The following HEATR5A variants were observed in gnomAD, a reference collection of about 807,000 sequenced individuals.
The protein encoded by HEATR5A is HEAT repeat containing 5A, also known as HEAT repeat-containing protein 5A.
In HEATR5A, 178 loss-of-function variants were observed where a neutral mutation model predicts 218.8. The ratio of observed to expected loss-of-function variants is 0.81; its 90% CI spans 0.72 to 0.92. The LOEUF is 0.92. HEATR5A is among the 40% of genes least tolerant of loss of function. The pLI, the probability that HEATR5A is intolerant of heterozygous loss-of-function variation, is 0.00. For synonymous variants in HEATR5A, 864 were observed against 871.6 expected (o/e 0.99, Z 0.15); for missense variants, 2,420 against 2,418.9 (o/e 1.00, Z -0.01).
intron 1 of HEATR5A, among the ~76,000 whole-genome samples, chr14:31,415,707 A>C (rs2031420446): frequency 6.6e-6 from 1 of 152,320 alleles, no homozygotes; most frequent in Admixed American, 6.5e-5. Context: ...TTTTATTTAC[A>C]TAAAAAAGGT....
chr14:31,335,307 G>C (rs145503575), intron 22 of HEATR5A, among the ~76,000 whole-genome samples: 20 of 152,048 alleles, frequency 1.3e-4, no homozygotes, highest in Non-Finnish European at 2.4e-4. Flanking sequence ...TGCCTATATA[G>C]CAGCCCAGCC....
chr14:31,323,620 G>T lies in HEATR5A; in HGVS notation c.3732C>A (p.Asn1244Lys). ...CRIINQCENA[N>K]SAHFDIALAQ... ...CTAAAGCAATGTCAAAATGTGCACT[G>T]TTAGCATTCTCACATTGGTTAATTA... Residue 1244 changes from asparagine (N) to lysine (K), a missense_variant, in exon 24 of 36, where the codon AAC (asparagine) becomes AAA (lysine). Transcript: ENST00000543095. 1 of 1,611,746 alleles carries T rather than the reference G, an allele frequency of 6.2e-7. No individual in the cohort carries two copies. The highest frequency in any genetic ancestry group is 8.5e-7 in the Non-Finnish European group (1 of 1,178,242).
chr14:31,387,808 C>A (rs1261369032), intron 7 of HEATR5A, among the ~76,000 whole-genome samples: 4 of 152,332 alleles, frequency 2.6e-5, no homozygotes, highest in African/African-American at 9.6e-5. Context: ...GATCCACCAG[C>A]CTCGGCCTCC....
chr14:31,419,001 T>C (rs2031550925), intron 1 of HEATR5A, among the ~76,000 whole-genome samples: 1 of 152,122 alleles, frequency 6.6e-6, no homozygotes, highest in South Asian at 2.1e-4. Context: ...AATTTAAGAA[T>C]TAAAAAGGTA....
intron 5 of HEATR5A, among the ~76,000 whole-genome samples, chr14:31,394,494 T>C (rs2030572073): frequency 6.6e-6 from 1 of 152,082 alleles, no homozygotes; most frequent in East Asian, 1.9e-4. Flanking sequence ...CTATTGGCTA[T>C]GAACAACTGG....
intron 1 of HEATR5A, among the ~76,000 whole-genome samples, chr14:31,415,246 GGCACT>G (rs2031406927): frequency 6.6e-6 from 1 of 152,148 alleles, no homozygotes; most frequent in South Asian, 2.1e-4. Flanking sequence ...TTCCTTGGCA[GGCACT>G]GCTTCTCACT....
intron 19 of HEATR5A, among the ~76,000 whole-genome samples, chr14:31,345,905 T>C (rs934684079): frequency 7.3e-5 from 10 of 136,824 alleles, no homozygotes; most frequent in African/African-American, 2.6e-4. Context: ...CGCACACACA[T>C]GCACACACGC....
chr14:31,387,171 C>T lies in HEATR5A; in HGVS notation c.1138G>A (p.Ala380Thr), dbSNP rs368819127. 2 of 1,613,962 alleles carry T rather than the reference C, an allele frequency of 1.2e-6. No homozygotes were observed. The highest frequency in any genetic ancestry group is 1.7e-6 in the Non-Finnish European group (2 of 1,179,874). ...GGLLGEKAQL[A>T]AVKDICQAIW... ...GCCTGGCAAATATCCTTTACAGCAGCAAGCTGAGCCTTTTCTCCAAGAAGA... is the reference window on the plus strand; with the variant it reads ...GCCTGGCAAATATCCTTTACAGCAGTAAGCTGAGCCTTTTCTCCAAGAAGA... Residue 380 changes from alanine to threonine, a missense_variant, in exon 8 of 36, where the codon GCT (alanine) becomes ACT (threonine). Coordinates refer to ENST00000543095, the MANE Select transcript of HEATR5A (RefSeq NM_015473.4).
chr14:31,308,816 C>G, intron 29 of HEATR5A, 118 bp downstream of exon 29: 2 of 729,686 alleles, frequency 2.7e-6, no homozygotes, highest in Non-Finnish European at 4.3e-6. Context: ...TAATTGTGAG[C>G]TTGAGTTGAA....
rs529963101 is a variant in HEATR5A, at chr14:31,337,628, T to G, written c.3229-14A>C. On this transcript the variant is annotated splice_polypyrimidine_tract_variant and intron_variant, in intron 21 of 35. Coordinates refer to ENST00000543095, the MANE Select transcript of HEATR5A (RefSeq NM_015473.4). ...ACAAAGATTCACCTGAAAAATACCA[T>G]TTGAGGAACGACAGAGCTAAAATTC... The G allele has an allele frequency of 9.0e-5, 143 of 1,594,182 alleles. 2 individuals are homozygous for G. In the South Asian group the frequency reaches 1.6e-3, roughly 17 times the overall value.
In HEATR5A at chr14:31,337,552, A is replaced by T. The variant is rs773986187; in HGVS notation, c.3291T>A (p.Leu1097=). The change falls in exon 22 of 36, where the codon CTT becomes CTA. Residue 1097 remains leucine, a synonymous_variant. Transcript: ENST00000543095. ...RRAVLACLRQ[L]VQREAAEVSE... ...AAACTTCAGCTGCTTCTCTTTGTAC[A>T]AGCTGACGTAAGCAAGCCAGTACTG... The T allele has an allele frequency of 1.5e-5, 23 of 1,585,262 alleles. No individual in the cohort carries two copies. The highest frequency in any genetic ancestry group is 2.0e-5 in the Non-Finnish European group (23 of 1,165,180).
chr14:31,344,265 A>ATTTTTTTTT (rs1245011736), intron 20 of HEATR5A, among the ~76,000 whole-genome samples, 200 bp from the exon 21 acceptor site: 53 of 54,900 alleles, frequency 9.7e-4, no homozygotes, highest in Middle Eastern at 0.014. Flanking sequence ...TAGATTAGTT[A>ATTTTTTTTT]TTCTTTTTTT....
Position 31,305,031 on chromosome 14 carries a change from G to A in HEATR5A, c.5113C>T (p.Pro1705Ser). ...ILVRQLPELN[P>S]KLTGSPGVKA... ...ACTCCTGGGCTACCTGTCAATTTAG[G>A]GTTTAATTCTGGGAGCTGTCTAACT... is the stretch of plus-strand genomic sequence containing the variant. The change falls in exon 32 of 36, where the codon CCT (proline) becomes TCT (serine). Residue 1705 changes from proline to serine, a missense_variant. Physicochemically the swap from Pro to Ser is moderately conservative, Grantham distance 74. Transcript: ENST00000543095. The A allele has an allele frequency of 6.2e-7, 1 of 1,613,836 alleles. No homozygotes were observed. Among genetic ancestry groups the A allele is most frequent in the Middle Eastern group, 1.6e-4 (1 of 6,062 alleles).
chr14:31,345,014 C>A, intron 20 of HEATR5A, 73 bp downstream of exon 20: 1 of 1,277,822 alleles, frequency 7.8e-7, no homozygotes, highest in South Asian at 1.4e-5. Flanking sequence ...GCCAAGCATA[C>A]AGACTAGGAA....
chr14:31,320,789 T>G (rs1446932912), intron 25 of HEATR5A, among the ~76,000 whole-genome samples: 1 of 152,150 alleles, frequency 6.6e-6, no homozygotes, highest in African/African-American at 2.4e-5. Flanking sequence ...GAGGTCTCCC[T>G]ATGATGCCCA....
At position 31,395,340 on chromosome 14, in the gene HEATR5A, G is replaced by A; in HGVS notation, c.456C>T (p.Gly152=). 1 of 1,498,556 alleles carries A rather than the reference G, an allele frequency of 6.7e-7. No homozygotes were observed. The highest frequency in any genetic ancestry group is 2.5e-5 in the East Asian group (1 of 40,668). 92.8% of individuals were successfully genotyped at this position (1,498,556 alleles called of 1,614,324 possible). Residue 152 remains glycine (G), a synonymous_variant, in exon 5 of 36, where the codon GGC becomes GGT. Coordinates refer to ENST00000543095, the MANE Select transcript of HEATR5A (RefSeq NM_015473.4). ...GCAGACTTAGCATAATCTCATATCG[G>A]CCTTGAGACTTCCAAAAAGAAAAAA... The part of the protein sequence containing the change: ...LKAMKSAESQ[G]RYEIMLSLQN...
intron 2 of HEATR5A, among the ~76,000 whole-genome samples, chr14:31,401,835 C>T (rs191886887): frequency 2.6e-5 from 4 of 152,198 alleles, no homozygotes; most frequent in Admixed American, 2.6e-4. Flanking sequence ...AAGTGTAGGG[C>T]AATTTTCTTT....
At chr14:31,294,427 A>AC (rs1899111112) in intron 34 of HEATR5A, among the ~76,000 whole-genome samples, 1 of 70,048 alleles carries the variant, frequency 1.4e-5, no homozygotes, top group Non-Finnish European at 2.7e-5. Flanking sequence ...CCCTCCTGTA[A>AC]CATTTTTTTT....
intron 24 of HEATR5A, among the ~76,000 whole-genome samples, chr14:31,322,481 T>G (rs1900138114): frequency 6.6e-6 from 1 of 152,212 alleles, no homozygotes. Flanking sequence ...CATTTTGCTT[T>G]GTAATTCTTT....
Sources: gnomAD v4.1 joint callset for allele counts (sites outside exome capture counted in the v4.1 genomes callset) on GRCh38, gnomAD v4.1.1 for gene constraint, MANE v1.5 for transcripts, NCBI Gene and HGNC (gene_info 2026-07-23, HGNC 2026-07-21) for gene names.